Variants in EIF3H observed in about 807,000 individuals in gnomAD.
EIF3H encodes eukaryotic translation initiation factor 3 subunit H, also known as eIF-3-gamma.
In EIF3H, 26 loss-of-function variants were observed where a neutral mutation model predicts 44.2. That is an observed-to-expected ratio of 0.59 (90% CI 0.43 to 0.82). The LOEUF (loss-of-function observed/expected upper bound fraction) is 0.82. EIF3H is among the 40% of genes least tolerant of loss of function. EIF3H has a pLI of 0.00. For missense variants in EIF3H, 359 were observed against 432.8 expected (o/e 0.83, Z 1.51); for synonymous variants, 166 against 151.9 (o/e 1.09, Z -0.68).
At chr8:116,652,068 T>C (rs1293807844) in intron 5 of EIF3H, among the ~76,000 whole-genome samples, 1 of 152,080 alleles carries the variant, frequency 6.6e-6, no homozygotes, top group African/African-American at 2.4e-5. Flanking sequence ...CACGAGTACA[T>C]GTGTGAGAAG....
chr8:116,738,750 T>A (rs1179276519), intron 1 of EIF3H, among the ~76,000 whole-genome samples: 1 of 152,218 alleles, frequency 6.6e-6, no homozygotes, highest in Non-Finnish European at 1.5e-5. Flanking sequence ...CACCTATCAT[T>A]TTTAAGCCTG....
chr8:116,713,708 C>T (rs1563650321), intron 2 of EIF3H, among the ~76,000 whole-genome samples: 1 of 152,070 alleles, frequency 6.6e-6, no homozygotes, highest in Non-Finnish European at 1.5e-5. Flanking sequence ...TTTTACATCA[C>T]AAACCAGGCT....
intron 1 of EIF3H, among the ~76,000 whole-genome samples, chr8:116,730,731 C>T (rs1814937693): frequency 1.3e-5 from 2 of 152,138 alleles, no homozygotes; most frequent in South Asian, 4.1e-4. Flanking sequence ...ATGATTTACT[C>T]ACCACATCTT....
chr8:116,656,136 AAAG>A (rs1319236071), intron 4 of EIF3H, 131 bp from the exon 5 acceptor site: 3 of 705,212 alleles, frequency 4.3e-6, no homozygotes, highest in East Asian at 3.0e-5. Context: ...AAAAAAAAAA[AAAG>A]TAGAGAAACT....
intron 2 of EIF3H, among the ~76,000 whole-genome samples, chr8:116,665,784 C>T (rs1813655569): frequency 6.6e-6 from 1 of 152,212 alleles, no homozygotes; most frequent in South Asian, 2.1e-4. Flanking sequence ...TTATTCTGTG[C>T]TTTCCTCTTC....
At chr8:116,673,347 G>A (rs917364850) in intron 2 of EIF3H, among the ~76,000 whole-genome samples, 9 of 152,070 alleles carry the variant, frequency 5.9e-5, no homozygotes, top group African/African-American at 2.2e-4. Flanking sequence ...ATTTGATTCC[G>A]ATCCTTTAAA....
intron 1 of EIF3H, among the ~76,000 whole-genome samples, chr8:116,743,087 A>G (rs1815158041): frequency 6.6e-6 from 1 of 152,204 alleles, no homozygotes; most frequent in African/African-American, 2.4e-5. Flanking sequence ...ATTTTGTTTT[A>G]AAGGCTACCA....
At position 116,752,414 on chromosome 8, in the gene EIF3H, G is replaced by A. The variant is rs565268361; in HGVS notation, c.132+3252C>T. ...AAGACACAGTAATCTGAGTGTTTAC[G>A]ATGACACAGGTACTATACTAAACAC... is the stretch of plus-strand genomic sequence containing the variant. On this transcript the variant is annotated intron_variant, in intron 1 of 7. Coordinates refer to ENST00000521861, the MANE Select transcript of EIF3H (RefSeq NM_003756.3). Among the ~76,000 whole-genome samples the A allele has an allele frequency of 1.6e-4, 24 of 152,004 alleles. No individual in the cohort carries two copies. The South Asian group carries it at 4.6e-3, about 29-fold the overall frequency.
chr8:116,651,394 G>T (rs1563632473), intron 5 of EIF3H, among the ~76,000 whole-genome samples: 1 of 152,140 alleles, frequency 6.6e-6, no homozygotes, highest in Admixed American at 6.5e-5. Flanking sequence ...GACTGAGAAG[G>T]AAACAGGTTG....
intron 1 of EIF3H, among the ~76,000 whole-genome samples, chr8:116,731,538 G>T (rs1814950690): frequency 6.6e-6 from 1 of 152,106 alleles, no homozygotes. Context: ...GACTTCGTGG[G>T]TTGCTGAAAA....
intron 2 of EIF3H, among the ~76,000 whole-genome samples, chr8:116,670,449 A>G (rs1340529296): frequency 6.6e-6 from 1 of 152,220 alleles, no homozygotes; most frequent in African/African-American, 2.4e-5. Flanking sequence ...TCAGCAGGAC[A>G]GCCAATAGAA....
At chr8:116,681,469 C>A (rs925595681) in intron 2 of EIF3H, among the ~76,000 whole-genome samples, 1 of 151,900 alleles carries the variant, frequency 6.6e-6, no homozygotes, top group Admixed American at 6.6e-5. Context: ...GAGTTCAAGA[C>A]CAGCCTGACC....
chr8:116,702,889 G>C (rs147994103), intron 2 of EIF3H, among the ~76,000 whole-genome samples: 30 of 152,084 alleles, frequency 2.0e-4, no homozygotes, highest in African/African-American at 2.4e-5. Context: ...TGGGGATTGT[G>C]GGGGGTGGCA....
intron 1 of EIF3H, among the ~76,000 whole-genome samples, chr8:116,729,192 A>G (rs770229622): frequency 9.9e-5 from 15 of 152,234 alleles, no homozygotes; most frequent in Non-Finnish European, 1.5e-5. Context: ...TAGAAGATAT[A>G]TGAGCTTAAC....
In EIF3H at chr8:116,642,170, T is replaced by C. The variant is rs1164738594; in HGVS notation, c.*2836A>G. On this transcript the variant is annotated 3_prime_UTR_variant, in exon 8 of 8. Coordinates refer to ENST00000521861, the MANE Select transcript of EIF3H (RefSeq NM_003756.3). The stretch of plus-strand genomic sequence containing the variant: ...TTTATTGTAAAAATGGAGTTTATAA[T>C]GAAAATAAAAAATTATTTCATAACA... 1 of 152,144 alleles carries C rather than the reference T, an allele frequency of 6.6e-6. No homozygotes were observed. Among genetic ancestry groups the C allele is most frequent in the Non-Finnish European group, 1.5e-5 (1 of 68,020 alleles). The allele number at this position is 152,144 out of a possible 1,614,324, so 9.4% of individuals were successfully genotyped here.
At chr8:116,766,367 G>T (rs989084379), upstream of EIF3H, 3 of 429,668 alleles carry the variant, frequency 7.0e-6, no homozygotes, top group Non-Finnish European at 8.2e-6. Context: ...GTTTTCCAGC[G>T]TACGCACAAG....
chr8:116,701,700 G>C (rs1034154466), intron 2 of EIF3H, among the ~76,000 whole-genome samples: 1 of 152,112 alleles, frequency 6.6e-6, no homozygotes, highest in Non-Finnish European at 1.5e-5. Context: ...CATCAGATAA[G>C]CCCAAATTGA....
At chr8:116,659,064 A>ATT (rs1269517308) in intron 2 of EIF3H, 84 bp from the exon 3 acceptor site, 2 of 1,159,878 alleles carry the variant, frequency 1.7e-6, no homozygotes, top group African/African-American at 1.6e-5. Flanking sequence ...TTGGAAACAA[A>ATT]TGTCTACATA....
At chr8:116,759,103 A>G (rs555400732), upstream of EIF3H, among the ~76,000 whole-genome samples, 4 of 152,356 alleles carry the variant, frequency 2.6e-5, no homozygotes, top group East Asian at 5.8e-4. Context: ...AGGAAGTTCA[A>G]TATTGTGGGT....
Sources: gnomAD v4.1 joint callset for allele counts (sites outside exome capture counted in the v4.1 genomes callset) on GRCh38, gnomAD v4.1.1 for gene constraint, MANE v1.5 for transcripts, NCBI Gene and HGNC (gene_info 2026-07-23, HGNC 2026-07-21) for gene names.